Variants in ZFAT observed in about 807,000 individuals in gnomAD.
ZFAT encodes zinc finger and AT-hook domain containing.
Under a neutral mutation model 117.7 loss-of-function variants are expected in ZFAT, and 64 were observed. That is an observed-to-expected ratio of 0.54 (90% CI 0.44 to 0.67). ZFAT has a LOEUF of 0.67. Ranked by LOEUF, ZFAT falls within the 30% of genes least tolerant of loss-of-function variation. ZFAT has a pLI of 0.00. For synonymous variants in ZFAT, 679 were observed against 615.0 expected (o/e 1.10, Z -1.54); for missense variants, 1,433 against 1,584.5 (o/e 0.90, Z 1.62).
chr8:134,632,428 C>T (rs571651541), intron 3 of ZFAT, among the ~76,000 whole-genome samples: 44 of 152,308 alleles, frequency 2.9e-4, no homozygotes, highest in African/African-American at 8.4e-4. Flanking sequence ...TTGAAAATAA[C>T]TGTTGACAGT....
Position 134,596,701 on chromosome 8 carries a change from T to C in ZFAT, c.2475+3735A>G, listed in dbSNP as rs181977813. 1.6e-3 allele frequency among the ~76,000 whole-genome samples: 249 copies of C among 152,326 alleles called. 1 individual carries two copies. Among genetic ancestry groups the C allele is most frequent in the South Asian group, 5.4e-3 (26 of 4,832 alleles). On this transcript the variant is annotated intron_variant, in intron 7 of 15. Coordinates refer to ENST00000377838, the MANE Select transcript of ZFAT (RefSeq NM_020863.4). ...GCAGTGTATCCATGCAATGGAATAT[T>C]ATTCAGCTGTAAAAAGGAAACCATG...
At chr8:134,595,696 T>C (rs1318113038) in intron 7 of ZFAT, among the ~76,000 whole-genome samples, 1 of 152,216 alleles carries the variant, frequency 6.6e-6, no homozygotes, top group African/African-American at 2.4e-5. Context: ...TGCCAAGACA[T>C]CTCTGACTGT....
chr8:134,568,454 A>T (rs576597790), intron 10 of ZFAT, among the ~76,000 whole-genome samples: 1 of 152,350 alleles, frequency 6.6e-6, no homozygotes, highest in South Asian at 2.1e-4. Context: ...GCCTGGGCAA[A>T]ACTGTGCTGT....
At chr8:134,556,031 AGAAG>A (rs767538738) in intron 11 of ZFAT, among the ~76,000 whole-genome samples, 3,951 of 60,290 alleles carry the variant, frequency 0.066, 174 homozygotes, top group African/African-American at 0.13. Flanking sequence ...AGGGAGGGAG[AGAAG>A]GAAGGAAGGA....
At chr8:134,809,336 G>C in the ZFAT span, among the ~76,000 whole-genome samples, 1 of 152,194 alleles carries the variant, frequency 6.6e-6, no homozygotes, top group East Asian at 1.9e-4. Context: ...GACCCATACA[G>C]AATCTTCAAA....
chr8:134,827,449 T>C, the ZFAT span, among the ~76,000 whole-genome samples: 4 of 152,194 alleles, frequency 2.6e-5, no homozygotes, highest in Non-Finnish European at 5.9e-5. Context: ...ATATACATAT[T>C]ATTAGATAAT....
chr8:134,712,031 C>A (rs1814018942), intron 1 of ZFAT, among the ~76,000 whole-genome samples: 1 of 152,180 alleles, frequency 6.6e-6, no homozygotes, highest in African/African-American at 2.4e-5. Context: ...CAGGCGTGAT[C>A]AGTTAGCGCG....
At chr8:134,713,041 G>A (rs1194424522), upstream of ZFAT, 1 of 678,218 alleles carries the variant, frequency 1.5e-6, no homozygotes, top group Non-Finnish European at 2.2e-6. Flanking sequence ...TGGAGTCTTC[G>A]CCCTCCTCCC....
intron 2 of ZFAT, among the ~76,000 whole-genome samples, chr8:134,651,571 G>T (rs1299316636): frequency 1.3e-5 from 2 of 152,052 alleles, no homozygotes; most frequent in African/African-American, 2.4e-5. Flanking sequence ...AAAATAACAG[G>T]TAAAAAATAG....
chr8:134,592,790 C>A (rs1024801957), intron 7 of ZFAT, among the ~76,000 whole-genome samples: 25 of 152,122 alleles, frequency 1.6e-4, no homozygotes, highest in African/African-American at 6.0e-4. Context: ...CTTTGGTGTT[C>A]CCCAGCGTAC....
the ZFAT span, among the ~76,000 whole-genome samples, chr8:134,780,904 A>G: frequency 6.6e-6 from 1 of 152,208 alleles, no homozygotes; most frequent in East Asian, 1.9e-4. Flanking sequence ...CAAAGTGAGT[A>G]ATGCTTTTTT....
At position 134,600,550 on chromosome 8, in the gene ZFAT, G is replaced by A. The variant is rs1827339792; in HGVS notation, c.2361C>T (p.Arg787=). The change falls in exon 7 of 16, where the codon CGC becomes CGT. Residue 787 remains arginine, a synonymous_variant. Transcript: ENST00000377838. ...YSSITKNCLK[R]HVIQKHSNIL... ...TGTTACTGTGTTTCTGAATTACGTG[G>A]CGTTTAAGGCAGTTTTTGGTGATGG... 1 of 1,614,114 alleles carries A rather than the reference G, an allele frequency of 6.2e-7. No homozygotes were observed. Among genetic ancestry groups the A allele is most frequent in the Non-Finnish European group, 8.5e-7 (1 of 1,180,030 alleles).
At chr8:134,656,089 T>A (rs114160563) in intron 2 of ZFAT, among the ~76,000 whole-genome samples, 5,395 of 151,888 alleles carry the variant, frequency 0.036, 339 homozygotes, top group African/African-American at 0.12. Flanking sequence ...CCATGGAGAG[T>A]GTGGGTGTCA....
chr8:134,797,223 T>A, the ZFAT span: 1 of 152,118 alleles, frequency 6.6e-6, no homozygotes, highest in Non-Finnish European at 1.5e-5. Flanking sequence ...ATATTAAGTA[T>A]AAATAAAATA....
At chr8:134,595,173 C>T (rs1207988955) in intron 7 of ZFAT, among the ~76,000 whole-genome samples, 1 of 152,336 alleles carries the variant, frequency 6.6e-6, no homozygotes, top group East Asian at 1.9e-4. Flanking sequence ...TTCATGCACA[C>T]ACACTGACAG....
intron 13 of ZFAT, among the ~76,000 whole-genome samples, chr8:134,516,789 C>T (rs1051954418): frequency 6.6e-6 from 1 of 151,982 alleles, no homozygotes; most frequent in Non-Finnish European, 1.5e-5. Flanking sequence ...CCAGGAGTTC[C>T]AGGTTGCAGT....
chr8:134,610,731 T>C, intron 3 of ZFAT, 76 bp from the exon 4 acceptor site: 2 of 1,523,318 alleles, frequency 1.3e-6, no homozygotes, highest in Non-Finnish European at 1.8e-6. Context: ...CACTACTCTT[T>C]CACGGGACAG....
intron 13 of ZFAT, among the ~76,000 whole-genome samples, chr8:134,513,924 A>C (rs1820053384): frequency 6.6e-6 from 1 of 152,246 alleles, no homozygotes; most frequent in Admixed American, 6.5e-5. Context: ...AACAAAAAGA[A>C]GAACATTTTG....
intron 3 of ZFAT, among the ~76,000 whole-genome samples, chr8:134,634,926 A>G (rs989319385): frequency 5.3e-5 from 8 of 152,140 alleles, no homozygotes; most frequent in Non-Finnish European, 1.0e-4. Flanking sequence ...TGGGGATGAA[A>G]CTGTTCCACC....
Sources: allele counts gnomAD v4.1 joint callset (sites outside exome capture counted in the v4.1 genomes callset), GRCh38; gene constraint gnomAD v4.1.1; transcripts MANE v1.5; gene names NCBI Gene and HGNC (gene_info 2026-07-23, HGNC 2026-07-21).